Variants in PRKCE observed in about 807,000 individuals in gnomAD.
The protein encoded by PRKCE is protein kinase C epsilon.
In PRKCE, 16 loss-of-function variants were observed where a neutral mutation model predicts 85.4. The observed-to-expected ratio is 0.19, with a 90% confidence interval of 0.13 to 0.28. PRKCE has a LOEUF of 0.28. Among genes scored for constraint, PRKCE ranks in the 10% least tolerant of loss-of-function variants. The probability of loss-of-function intolerance (pLI) is 1.00; values close to 1 mark genes in which losing one functional copy is unlikely to be tolerated. For synonymous variants in PRKCE, 388 were observed against 371.5 expected (o/e 1.04, Z -0.51); for missense variants, 573 against 975.2 (o/e 0.59, Z 5.49).
At chr2:45,998,115 A>G (rs1704364812) in intron 6 of PRKCE, among the ~76,000 whole-genome samples, 1 of 152,104 alleles carries the variant, frequency 6.6e-6, no homozygotes, top group Admixed American at 6.5e-5. Context: ...AAGAATGTGT[A>G]TTCTTCTGTC....
chr2:45,856,877 A>T (rs2105609387), intron 2 of PRKCE, among the ~76,000 whole-genome samples: 1 of 152,342 alleles, frequency 6.6e-6, no homozygotes, highest in Non-Finnish European at 1.5e-5. Flanking sequence ...TGCAAGTGAC[A>T]GGATTTCATT....
At chr2:46,075,702 T>G (rs1391009661) in intron 10 of PRKCE, among the ~76,000 whole-genome samples, 1 of 152,110 alleles carries the variant, frequency 6.6e-6, no homozygotes, top group African/African-American at 2.4e-5. Context: ...TGAGCCAAAA[T>G]CAAGCCACTG....
chr2:45,722,954 A>G (rs1391061647), intron 1 of PRKCE, among the ~76,000 whole-genome samples: 1 of 152,120 alleles, frequency 6.6e-6, no homozygotes, highest in Admixed American at 6.5e-5. Flanking sequence ...TACAAAAATT[A>G]GCCGGGTGTG....
chr2:46,021,351 C>G (rs1706643815), intron 10 of PRKCE, among the ~76,000 whole-genome samples: 1 of 152,170 alleles, frequency 6.6e-6, no homozygotes, highest in Non-Finnish European at 1.5e-5. Context: ...AAATCATAGC[C>G]TGACAGCTCT....
chr2:46,031,741 C>T (rs548439296), intron 10 of PRKCE, among the ~76,000 whole-genome samples: 1 of 152,176 alleles, frequency 6.6e-6, no homozygotes, highest in South Asian at 2.1e-4. Flanking sequence ...GGAGTCATTT[C>T]TGGAACTAAA....
At chr2:45,942,468 A>G (rs1699953240) in intron 2 of PRKCE, among the ~76,000 whole-genome samples, 1 of 152,206 alleles carries the variant, frequency 6.6e-6, no homozygotes, top group East Asian at 1.9e-4. Context: ...ATTATAATTA[A>G]TGTTGTCATA....
chr2:45,970,743 T>C (rs878879067), intron 2 of PRKCE, among the ~76,000 whole-genome samples: 53 of 152,052 alleles, frequency 3.5e-4, no homozygotes, highest in Admixed American at 1.3e-4. Context: ...TGTGATTATG[T>C]AGCTGAATGT....
At chr2:46,183,502 G>T (rs75346945) in intron 14 of PRKCE, among the ~76,000 whole-genome samples, 2,461 of 152,288 alleles carry the variant, frequency 0.016, 23 homozygotes, top group East Asian at 0.062. Context: ...TCTGAAAAAA[G>T]TATTGCTGGA....
At chr2:45,777,820 C>T (rs745553763) in intron 1 of PRKCE, among the ~76,000 whole-genome samples, 10 of 152,122 alleles carry the variant, frequency 6.6e-5, no homozygotes, top group African/African-American at 9.7e-5. Flanking sequence ...TCTACTGAAA[C>T]GTGACATTTT....
intron 2 of PRKCE, among the ~76,000 whole-genome samples, chr2:45,930,165 C>A (rs1373905923): frequency 6.6e-6 from 1 of 152,122 alleles, no homozygotes; most frequent in Non-Finnish European, 1.5e-5. Context: ...TGTGCGACAC[C>A]CCACAAATGA....
At chr2:46,012,282 CTCTTTTCCTTTCTTT>C (rs571988959) in intron 10 of PRKCE, among the ~76,000 whole-genome samples, 1 of 152,038 alleles carries the variant, frequency 6.6e-6, no homozygotes, top group Non-Finnish European at 1.5e-5. Flanking sequence ...TTATCTCTCT[CTCTTTTCCTTTCTTT>C]TCTTTTCCTT....
chr2:45,813,342 GA>G (rs2105279630), intron 1 of PRKCE, among the ~76,000 whole-genome samples: 1 of 152,324 alleles, frequency 6.6e-6, no homozygotes, highest in East Asian at 1.9e-4. Context: ...GCATTAGCAG[GA>G]AAGGGCATGC....
intron 11 of PRKCE, among the ~76,000 whole-genome samples, chr2:46,087,247 G>A (rs1278140108): frequency 6.6e-6 from 1 of 151,898 alleles, no homozygotes; most frequent in Non-Finnish European, 1.5e-5. Context: ...TCTTGGTCTA[G>A]TGGAAGAAGC....
In PRKCE at chr2:45,907,968, C is replaced by T. The variant is rs555601135; in HGVS notation, c.412+64905C>T. Among the ~76,000 whole-genome samples the T allele has an allele frequency of 4.6e-5, 7 of 152,306 alleles. No homozygotes were observed. Among genetic ancestry groups the T allele is most frequent in the Admixed American group, 3.9e-4 (6 of 15,306 alleles). ...TTCTAGGATTCTGTCCGACTTCATC[C>T]TTTTCAAATCTCTGAAGTGGGGAGG... On this transcript the variant is annotated intron_variant, in intron 2 of 14. Coordinates refer to ENST00000306156, the MANE Select transcript of PRKCE (RefSeq NM_005400.3). The surrounding 1 kb of genome is among the most constrained non-coding windows in gnomAD (Gnocchi z 4.5).
intron 10 of PRKCE, among the ~76,000 whole-genome samples, chr2:46,043,411 C>A (rs1033586263): frequency 6.6e-6 from 1 of 152,082 alleles, no homozygotes; most frequent in African/African-American, 2.4e-5. Context: ...GTAACTATTT[C>A]AATTTTTTTT....
chr2:45,773,254 G>A (rs537524495), intron 1 of PRKCE, among the ~76,000 whole-genome samples: 1 of 152,324 alleles, frequency 6.6e-6, no homozygotes, highest in South Asian at 2.1e-4. Context: ...CTACAGGAGG[G>A]TGAGGCCTTT....
chr2:45,730,303 C>A (rs57123252), intron 1 of PRKCE, among the ~76,000 whole-genome samples: 2,771 of 152,068 alleles, frequency 0.018, 108 homozygotes, highest in East Asian at 0.14. Context: ...CAGGTGTGGG[C>A]CACCATACCC....
At chr2:45,659,987 C>G (rs1208160382) in intron 1 of PRKCE, among the ~76,000 whole-genome samples, 1 of 152,192 alleles carries the variant, frequency 6.6e-6, no homozygotes, top group Non-Finnish European at 1.5e-5. Flanking sequence ...GCACCCAAAA[C>G]AGTGCCTGGC....
At chr2:45,751,406 A>G (rs532209409) in intron 1 of PRKCE, among the ~76,000 whole-genome samples, 29 of 152,328 alleles carry the variant, frequency 1.9e-4, no homozygotes, top group Admixed American at 5.9e-4. Context: ...TTTCCTAATT[A>G]GGCTGCAAAT....
Sources: allele counts gnomAD v4.1 joint callset (sites outside exome capture counted in the v4.1 genomes callset), GRCh38; gene constraint gnomAD v4.1.1; non-coding constraint Gnocchi (gnomAD v3.1); transcripts MANE v1.5; gene names NCBI Gene and HGNC (gene_info 2026-07-23, HGNC 2026-07-21).